The following KLHDC7A variants were observed in gnomAD, a reference collection of about 807,000 sequenced individuals.
The protein encoded by KLHDC7A is kelch domain containing 7A.
For missense variants in KLHDC7A, 1,123 were observed against 1,052.6 expected (o/e 1.07, Z -0.93); for synonymous variants, 464 against 461.0 (o/e 1.01, Z -0.08).
rs2086904386 is a variant in KLHDC7A at position 18,482,653 on chromosome 1, C to A, written c.1672C>A (p.Arg558Ser). ...GGGGCCCGGGCACCAGCCCTCCAGCCGCGTCTTCTGCTACAACCCGCTCAC... is the reference window on the plus strand; with the variant it reads ...GGGGCCCGGGCACCAGCCCTCCAGCAGCGTCTTCTGCTACAACCCGCTCAC... ...CQGPGHQPSS[R>S]VFCYNPLTGI... The change falls in exon 1 of 1, where the codon CGC becomes AGC. Residue 558 changes from arginine to serine, a missense_variant. Physicochemically the swap from Arg to Ser is moderately radical, Grantham distance 110 (BLOSUM62 -1). Coordinates refer to ENST00000400664, the MANE Select transcript of KLHDC7A (RefSeq NM_152375.3). 6.2e-7 allele frequency: 1 copy of A among 1,608,632 alleles called. No individual in the cohort carries two copies. Among genetic ancestry groups the A allele is most frequent in the Admixed American group, 1.7e-5 (1 of 59,954 alleles).
Position 18,485,859 on chromosome 1 carries a change from A to G in KLHDC7A, c.*2544A>G, listed in dbSNP as rs898288798. The G allele has an allele frequency of 2.4e-5, 4 of 166,906 alleles. No individual in the cohort carries two copies. The highest frequency in any genetic ancestry group is 9.7e-5 in the African/African-American group (4 of 41,346). 10.3% of individuals were successfully genotyped at this position (166,906 alleles called of 1,614,324 possible). Reference sequence around the variant, plus strand: ...TTTGGAATTGACATTCTCTATTGTAATTTTGTTCCTGTTTATTTTTAAGTT... The same window carrying G: ...TTTGGAATTGACATTCTCTATTGTAGTTTTGTTCCTGTTTATTTTTAAGTT... On this transcript the variant is annotated 3_prime_UTR_variant, in exon 1 of 1. Coordinates refer to ENST00000400664, the MANE Select transcript of KLHDC7A (RefSeq NM_152375.3).
Position 18,482,609 on chromosome 1 carries a change from T to C in KLHDC7A, c.1628T>C (p.Phe543Ser). The C allele has an allele frequency of 8.1e-6, 13 of 1,610,392 alleles. No homozygotes were observed. The highest frequency in any genetic ancestry group is 1.1e-5 in the Non-Finnish European group (13 of 1,179,474). The stretch of plus-strand genomic sequence containing the variant: ...ATCTGCAGTCTCTTCAATTATCTCT[T>C]CGTGGTGTCCGGCTGCCAGGGGCCC... ...CAICSLFNYL[F>S]VVSGCQGPGH... Residue 543 changes from phenylalanine to serine, a missense_variant, in exon 1 of 1, where the codon TTC becomes TCC. Phe to Ser is a radical substitution (Grantham distance 155). Transcript: ENST00000400664.
Position 18,482,640 on chromosome 1 carries a change from C to T in KLHDC7A, c.1659C>T (p.His553=), listed in dbSNP as rs1557445686. ...FVVSGCQGPG[H]QPSSRVFCYN... ...TGTCCGGCTGCCAGGGGCCCGGGCA[C>T]CAGCCCTCCAGCCGCGTCTTCTGCT... Residue 553 remains histidine (H), a synonymous_variant, in exon 1 of 1, where the codon CAC becomes CAT. Transcript: ENST00000400664. 6.2e-7 allele frequency: 1 copy of T among 1,607,834 alleles called. No individual in the cohort carries two copies. The highest frequency in any genetic ancestry group is 1.3e-5 in the African/African-American group (1 of 74,904).
In KLHDC7A at chr1:18,483,221, C is replaced by T; in HGVS notation, c.2240C>T (p.Pro747Leu). The change falls in exon 1 of 1, where the codon CCC becomes CTC. Residue 747 changes from proline to leucine, a missense_variant. Pro to Leu is a moderately conservative substitution (Grantham distance 98). Coordinates refer to ENST00000400664, the MANE Select transcript of KLHDC7A (RefSeq NM_152375.3). ...GACTCTGTCTCACCCAGGTTTGTGC[C>T]CAAGGAGCTGCGGAGTTTCCCGGCC... Reference protein sequence around the residue: ...LADSVSPRFVPKELRSFPAPQ... With the variant: ...LADSVSPRFVLKELRSFPAPQ... 1.2e-6 allele frequency: 2 copies of T among 1,614,016 alleles called. No individual in the cohort carries two copies. The highest frequency in any genetic ancestry group is 1.7e-6 in the Non-Finnish European group (2 of 1,180,034).
rs150119565 is a variant in KLHDC7A, at chr1:18,485,381, G to C, written c.*2066G>C. Reference sequence around the variant, plus strand: ...AGGGGAGTGATTCCAGGGATAAGACGGACAAATGTGTTCCAGGCCCCAGCT... The same window carrying C: ...AGGGGAGTGATTCCAGGGATAAGACCGACAAATGTGTTCCAGGCCCCAGCT... On this transcript the variant is annotated 3_prime_UTR_variant, in exon 1 of 1. Coordinates refer to ENST00000400664, the MANE Select transcript of KLHDC7A (RefSeq NM_152375.3). 6.0e-6 allele frequency: 1 copy of C among 166,446 alleles called. No homozygotes were observed. The highest frequency in any genetic ancestry group is 2.0e-4 in the East Asian group (1 of 5,052). The allele number at this position is 166,446 out of a possible 1,614,324, so 10.3% of individuals were successfully genotyped here. A position where few individuals can be genotyped will look rare whatever the true frequency, so the allele number is the denominator to read the frequency against.
chr1:18,482,938 C>G lies in KLHDC7A; in HGVS notation c.1957C>G (p.Gln653Glu), dbSNP rs1264654118. Residue 653 changes from glutamine to glutamate, a missense_variant, in exon 1 of 1, where the codon CAG (glutamine) becomes GAG (glutamate). By Grantham distance (29) the Gln-to-Glu change is conservative. Transcript: ENST00000400664. ...LRFLLFRFSA[Q>E]EQRWWAGPTG... ...CTTCCTGCTGTTCCGCTTCTCTGCGCAGGAGCAGCGCTGGTGGGCCGGCCC... is the reference window on the plus strand; with the variant it reads ...CTTCCTGCTGTTCCGCTTCTCTGCGGAGGAGCAGCGCTGGTGGGCCGGCCC... The G allele has an allele frequency of 6.2e-7, 1 of 1,611,784 alleles. No individual in the cohort carries two copies. Among genetic ancestry groups the G allele is most frequent in the South Asian group, 1.1e-5 (1 of 90,994 alleles).
In KLHDC7A at chr1:18,485,968, A is replaced by C. The variant is rs2100264485; in HGVS notation, c.*2653A>C. On this transcript the variant is annotated 3_prime_UTR_variant, in exon 1 of 1. Transcript: ENST00000400664. ...CAAGTTGCTTTGTTACAATAAAACT[A>C]AATATGTACACACACCAAAAAAAAA... 6.8e-6 allele frequency: 1 copy of C among 147,076 alleles called. No individual in the cohort carries two copies. The highest frequency in any genetic ancestry group is 3.0e-5 in the African/African-American group (1 of 33,602). 9.1% of individuals were successfully genotyped at this position (147,076 alleles called of 1,614,324 possible).
rs1325393366 is a variant in KLHDC7A at position 18,483,774 on chromosome 1, C to A, written c.*459C>A. ...CCTAAACATCAGCCACTGGGCCCCA[C>A]CTCCACAGTTCCCAGAAGCACCGGG... On this transcript the variant is annotated 3_prime_UTR_variant, in exon 1 of 1. Transcript: ENST00000400664. 1.7e-6 allele frequency: 2 copies of A among 1,205,870 alleles called. No individual in the cohort carries two copies. Among genetic ancestry groups the A allele is most frequent in the Admixed American group, 3.6e-5 (1 of 27,702 alleles). The allele number at this position is 1,205,870 out of a possible 1,614,324, so 74.7% of individuals were successfully genotyped here. A position where few individuals can be genotyped will look rare whatever the true frequency, so the allele number is the denominator to read the frequency against.
In KLHDC7A at chr1:18,481,260, G is replaced by A; in HGVS notation, c.279G>A (p.Gln93=). The change falls in exon 1 of 1, where the codon CAG becomes CAA. Residue 93 remains glutamine, a synonymous_variant. Transcript: ENST00000400664. Reference sequence around the variant, plus strand: ...GCAGCAAGCGGGCTGAAGCACCACAGGGCTGCAGCTGTGAGAATCCAAGAG... The same window carrying A: ...GCAGCAAGCGGGCTGAAGCACCACAAGGCTGCAGCTGTGAGAATCCAAGAG... ...RRSSKRAEAP[Q]GCSCENPRGP... 6.3e-7 allele frequency: 1 copy of A among 1,586,200 alleles called. No individual in the cohort carries two copies. Among genetic ancestry groups the A allele is most frequent in the Non-Finnish European group, 8.6e-7 (1 of 1,166,556 alleles).
chr1:18,484,963 A>T lies in KLHDC7A; in HGVS notation c.*1648A>T, dbSNP rs1331857598. 6.0e-6 allele frequency: 1 copy of T among 167,114 alleles called. No homozygotes were observed. The highest frequency in any genetic ancestry group is 1.5e-5 in the Non-Finnish European group (1 of 68,186). 10.4% of individuals were successfully genotyped at this position (167,114 alleles called of 1,614,324 possible). ...TGAATTTATTCTTAAATCAGAGACCAGGAAGGGAAAGTCAGCTGGGGCCAT... is the reference window on the plus strand; with the variant it reads ...TGAATTTATTCTTAAATCAGAGACCTGGAAGGGAAAGTCAGCTGGGGCCAT... On this transcript the variant is annotated 3_prime_UTR_variant, in exon 1 of 1. Transcript: ENST00000400664.
In KLHDC7A at chr1:18,481,792, G is replaced by T. The variant is rs199955225; in HGVS notation, c.811G>T (p.Glu271Ter). 1.2e-6 allele frequency: 2 copies of T among 1,614,018 alleles called. No individual in the cohort carries two copies. Among genetic ancestry groups the T allele is most frequent in the Admixed American group, 3.3e-5 (2 of 60,008 alleles). ...CTCATCCATAGCCCGCGTCCGAATG[G>T]AGGAGCATTTCATACAGAAGGCGGA... ...TFSSIARVRM[E>*]EHFIQKAEGV... The change falls in exon 1 of 1, where the codon GAG becomes TAG. Residue 271 changes from glutamate to a stop codon, truncating the protein, a stop_gained. Transcript: ENST00000400664. LOFTEE classifies it low-confidence loss of function (END_TRUNC).
In KLHDC7A at chr1:18,483,389, C is replaced by G; in HGVS notation, c.*74C>G. The G allele has an allele frequency of 9.7e-6, 15 of 1,549,962 alleles. No homozygotes were observed. The highest frequency in any genetic ancestry group is 1.3e-5 in the Non-Finnish European group (15 of 1,148,192). On this transcript the variant is annotated 3_prime_UTR_variant, in exon 1 of 1. Coordinates refer to ENST00000400664, the MANE Select transcript of KLHDC7A (RefSeq NM_152375.3). ...CACTGCCAGCCGTCCCTCTGGGGGC[C>G]ATTTCTAGGCAAACAGGCAACCCAG...
chr1:18,483,287 C>A lies in KLHDC7A; in HGVS notation c.2306C>A (p.Thr769Asn), dbSNP rs2086912126. 3.7e-6 allele frequency: 6 copies of A among 1,613,412 alleles called. 1 individual carries two copies. In the East Asian group the frequency reaches 1.1e-4, roughly 30 times the overall value. Residue 769 changes from threonine to asparagine, a missense_variant, in exon 1 of 1, where the codon ACC (threonine) becomes AAC (asparagine). Coordinates refer to ENST00000400664, the MANE Select transcript of KLHDC7A (RefSeq NM_152375.3). ...TLLPTVLTLP[T>N]PDLPQTRV ...CTGCCCACCGTCCTGACCTTGCCCACCCCCGATTTGCCTCAGACCAGGGTC... is the reference window on the plus strand; with the variant it reads ...CTGCCCACCGTCCTGACCTTGCCCAACCCCGATTTGCCTCAGACCAGGGTC...
chr1:18,481,819 G>A lies in KLHDC7A; in HGVS notation c.838G>A (p.Gly280Arg), dbSNP rs749384875. ...GGAGCATTTCATACAGAAGGCGGAG[G>A]GGGTTGAGCCCCGGCTCAAGGGCAA... ...MEEHFIQKAE[G>R]VEPRLKGKVY... Residue 280 changes from glycine (G) to arginine (R), a missense_variant, in exon 1 of 1, where the codon GGG (glycine) becomes AGG (arginine). Coordinates refer to ENST00000400664, the MANE Select transcript of KLHDC7A (RefSeq NM_152375.3). 6.2e-7 allele frequency: 1 copy of A among 1,614,108 alleles called. No individual in the cohort carries two copies. The highest frequency in any genetic ancestry group is 1.1e-5 in the South Asian group (1 of 91,080).
Position 18,484,294 on chromosome 1 carries a change from A to C in KLHDC7A, c.*979A>C, listed in dbSNP as rs2086919979. 2.8e-6 allele frequency: 1 copy of C among 363,296 alleles called. No individual in the cohort carries two copies. Among genetic ancestry groups the C allele is most frequent in the Admixed American group, 3.8e-5 (1 of 26,332 alleles). 22.5% of individuals were successfully genotyped at this position (363,296 alleles called of 1,614,324 possible). On this transcript the variant is annotated 3_prime_UTR_variant, in exon 1 of 1. Transcript: ENST00000400664. The stretch of plus-strand genomic sequence containing the variant: ...GTGGATGACCAAGCGGAGGAACTAG[A>C]AGAGTCTAGTGAAGCATCCAGAGAC...
At position 18,481,267 on chromosome 1, in the gene KLHDC7A, A is replaced by C; in HGVS notation, c.286A>C (p.Ser96Arg). 2 of 1,584,782 alleles carry C rather than the reference A, an allele frequency of 1.3e-6. No homozygotes were observed. Among genetic ancestry groups the C allele is most frequent in the Non-Finnish European group, 1.7e-6 (2 of 1,165,962 alleles). ...SKRAEAPQGC[S>R]CENPRGPYVL... The stretch of plus-strand genomic sequence containing the variant: ...GCGGGCTGAAGCACCACAGGGCTGC[A>C]GCTGTGAGAATCCAAGAGGCCCCTA... The change falls in exon 1 of 1, where the codon AGC becomes CGC. Residue 96 changes from serine to arginine, a missense_variant. Coordinates refer to ENST00000400664, the MANE Select transcript of KLHDC7A (RefSeq NM_152375.3).
Position 18,481,454 on chromosome 1 carries a change from T to C in KLHDC7A, c.473T>C (p.Phe158Ser). Residue 158 changes from phenylalanine (F) to serine (S), a missense_variant, in exon 1 of 1, where the codon TTC becomes TCC. Transcript: ENST00000400664. Reference sequence around the variant, plus strand: ...GGCAGTAACCCTGACCCTCCCCATTTCCCCCGCTTGGGCAGCGAACCGAAG... The same window carrying C: ...GGCAGTAACCCTGACCCTCCCCATTCCCCCCGCTTGGGCAGCGAACCGAAG... ...AVGSNPDPPH[F>S]PRLGSEPKSS... is the part of the protein sequence containing the mutation. The C allele has an allele frequency of 6.2e-7, 1 of 1,613,510 alleles. No individual in the cohort carries two copies. Among genetic ancestry groups the C allele is most frequent in the Non-Finnish European group, 8.5e-7 (1 of 1,179,942 alleles).
Position 18,482,746 on chromosome 1 carries a change from G to A in KLHDC7A, c.1765G>A (p.Gly589Arg). ...RPHCRLVALD[G>R]HLYAIGGECL... ...GCACTGCCGGCTGGTGGCCCTGGAC[G>A]GGCACCTGTATGCCATCGGCGGAGA... The change falls in exon 1 of 1, where the codon GGG becomes AGG. Residue 589 changes from glycine (G) to arginine (R), a missense_variant. By Grantham distance (125) the Gly-to-Arg change is moderately radical (BLOSUM62 -2). Transcript: ENST00000400664. 1.9e-6 allele frequency: 3 copies of A among 1,610,538 alleles called. No individual in the cohort carries two copies. The highest frequency in any genetic ancestry group is 1.7e-6 in the Non-Finnish European group (2 of 1,179,280).
chr1:18,482,672 C>T lies in KLHDC7A; in HGVS notation c.1691C>T (p.Pro564Leu), dbSNP rs1200217021. ...QPSSRVFCYNPLTGIWSEVCP... is the reference protein window; with the variant it reads ...QPSSRVFCYNLLTGIWSEVCP... The stretch of plus-strand genomic sequence containing the variant: ...TCCAGCCGCGTCTTCTGCTACAACC[C>T]GCTCACGGGGATCTGGAGCGAGGTG... Residue 564 changes from proline (P) to leucine (L), a missense_variant, in exon 1 of 1, where the codon CCG (proline) becomes CTG (leucine). Pro to Leu is a moderately conservative substitution (Grantham distance 98). Transcript: ENST00000400664. 2.5e-6 allele frequency: 4 copies of T among 1,609,018 alleles called. No individual in the cohort carries two copies. The highest frequency in any genetic ancestry group is 3.3e-5 in the Admixed American group (2 of 59,924).
Sources: gnomAD v4.1 joint callset for allele counts on GRCh38, gnomAD v4.1.1 for gene constraint, MANE v1.5 for transcripts, NCBI Gene and HGNC (gene_info 2026-07-23, HGNC 2026-07-21) for gene names.